GRID2: variants seen among roughly 807,000 people sequenced by gnomAD.
GRID2 encodes the protein glutamate receptor ionotropic, delta-2.
A neutral mutation model predicts 114.8 loss-of-function variants in GRID2; 33 were observed. That is an observed-to-expected ratio of 0.29 (90% confidence interval 0.22 to 0.38). The LOEUF (loss-of-function observed/expected upper bound fraction) is 0.38. GRID2 is among the 10% of genes least tolerant of loss of function. The pLI is 1.00. For missense variants in GRID2, 1,184 were observed against 1,257.7 expected (o/e 0.94, Z 0.89); for synonymous variants, 505 against 449.9 (o/e 1.12, Z -1.55).
At chr4:92,580,343 A>C (rs544069537) in intron 1 of GRID2, among the ~76,000 whole-genome samples, 205 of 151,528 alleles carry the variant, frequency 1.4e-3, no homozygotes, top group African/African-American at 3.8e-3. Flanking sequence ...AAGAAGAAAA[A>C]AATTACAAAT....
At chr4:92,908,404 G>A (rs1748116146) in intron 2 of GRID2, among the ~76,000 whole-genome samples, 1 of 151,892 alleles carries the variant, frequency 6.6e-6, no homozygotes, top group Admixed American at 6.6e-5. Context: ...TTTTGTAGTA[G>A]CACAAAGACA....
At chr4:93,661,011 C>T (rs949115401) in intron 14 of GRID2, among the ~76,000 whole-genome samples, 1 of 152,190 alleles carries the variant, frequency 6.6e-6, no homozygotes, top group Non-Finnish European at 1.5e-5. Flanking sequence ...AAAGGTACTA[C>T]TATCTCCCAA....
At chr4:92,997,212 G>C (rs999470018) in intron 2 of GRID2, among the ~76,000 whole-genome samples, 3 of 152,154 alleles carry the variant, frequency 2.0e-5, no homozygotes, top group African/African-American at 7.2e-5. Context: ...ATGTGTCAAG[G>C]CTGTGAAAGA....
chr4:92,515,381 A>C (rs1451690169), intron 1 of GRID2, among the ~76,000 whole-genome samples: 33 of 151,942 alleles, frequency 2.2e-4, no homozygotes, highest in Admixed American at 6.6e-5. Context: ...ACAACATAAA[A>C]GACAATAAAT....
intron 1 of GRID2, among the ~76,000 whole-genome samples, chr4:92,427,962 A>G (rs1732240787): frequency 6.6e-6 from 1 of 152,092 alleles, no homozygotes; most frequent in South Asian, 2.1e-4. Context: ...GATTAATGCT[A>G]ATAAAAATAA....
intron 8 of GRID2, among the ~76,000 whole-genome samples, chr4:93,352,217 A>G (rs1479529446): frequency 1.3e-5 from 2 of 152,046 alleles, no homozygotes; most frequent in Non-Finnish European, 2.9e-5. Context: ...ATCATAATCA[A>G]GGTTCATTGT....
At chr4:93,301,981 G>T (rs1754921070) in intron 8 of GRID2, among the ~76,000 whole-genome samples, 1 of 152,050 alleles carries the variant, frequency 6.6e-6, no homozygotes, top group Non-Finnish European at 1.5e-5. Flanking sequence ...ATGTCGCTAA[G>T]TAACCTGTAA....
intron 2 of GRID2, among the ~76,000 whole-genome samples, chr4:92,981,404 AAAAGT>A: frequency 6.6e-6 from 1 of 152,196 alleles, no homozygotes; most frequent in South Asian, 2.1e-4. Flanking sequence ...TTGTAACAGT[AAAAGT>A]AATTGTACAC....
rs1553916864 is a variant in GRID2 at position 92,688,037 on chromosome 4, C to CCTTTTTTTTTTTT, written c.244+97751_244+97752insCTTTTTTTTTTTT. ...GCCACATTGGTTGACCCTTCTTCTTCTTTTTTTTTTTTTTTTTTTTTTTTT... is the reference window on the plus strand; with the variant it reads ...GCCACATTGGTTGACCCTTCTTCTTCCTTTTTTTTTTTTTTTTTTTTTTTTTTTTTTTTTTTTT... On this transcript the variant is annotated intron_variant, in intron 2 of 15. Transcript: ENST00000282020. Among the ~76,000 whole-genome samples the CCTTTTTTTTTTTT allele has an allele frequency of 3.6e-3, 159 of 44,658 alleles. 15 individuals carry two copies. Among genetic ancestry groups the CCTTTTTTTTTTTT allele is most frequent in the South Asian group, 0.016 (20 of 1,268 alleles). 29.3% of individuals were successfully genotyped at this position (44,658 alleles called of 152,430 possible). A position where few individuals can be genotyped will look rare whatever the true frequency, so the allele number is the denominator to read the frequency against.
intron 10 of GRID2, among the ~76,000 whole-genome samples, chr4:93,434,921 T>C (rs1157765688): frequency 6.6e-6 from 1 of 152,134 alleles, no homozygotes; most frequent in Non-Finnish European, 1.5e-5. Flanking sequence ...TCAATTTCTG[T>C]CTCTCCTATC....
intron 2 of GRID2, among the ~76,000 whole-genome samples, chr4:92,876,283 TTTTA>T (rs34453618): frequency 0.058 from 8,571 of 148,528 alleles, 427 homozygotes; most frequent in East Asian, 0.17. Context: ...TTTTTTATTA[TTTTA>T]TTTATTTATT....
chr4:92,991,525 A>T (rs1754905575), intron 2 of GRID2, among the ~76,000 whole-genome samples: 1 of 152,232 alleles, frequency 6.6e-6, no homozygotes. Flanking sequence ...CAAAGGGTAA[A>T]TAGAATGTGA....
intron 13 of GRID2, among the ~76,000 whole-genome samples, chr4:93,602,267 C>A (rs1272336657): frequency 6.6e-6 from 1 of 152,016 alleles, no homozygotes; most frequent in Non-Finnish European, 1.5e-5. Context: ...TTGCTCTTGC[C>A]CAAGGCAATC....
chr4:93,162,441 A>C (rs1430924811), intron 4 of GRID2, among the ~76,000 whole-genome samples: 1 of 151,904 alleles, frequency 6.6e-6, no homozygotes, highest in Non-Finnish European at 1.5e-5. Flanking sequence ...TTAAATAAGG[A>C]TAGGCCTGTG....
intron 4 of GRID2, among the ~76,000 whole-genome samples, chr4:93,186,850 A>G (rs952868844): frequency 1.3e-5 from 2 of 152,144 alleles, no homozygotes; most frequent in African/African-American, 4.8e-5. Flanking sequence ...TTGGGTTGCT[A>G]TAATAAAAAT....
chr4:92,682,422 T>C (rs915555726), intron 2 of GRID2, among the ~76,000 whole-genome samples: 25 of 152,172 alleles, frequency 1.6e-4, no homozygotes, highest in Non-Finnish European at 3.7e-4. Flanking sequence ...CAGAGATCTG[T>C]GTTTTTAAAA....
chr4:92,453,585 A>G (rs1275884940), intron 1 of GRID2, among the ~76,000 whole-genome samples: 1 of 152,224 alleles, frequency 6.6e-6, no homozygotes, highest in Non-Finnish European at 1.5e-5. Context: ...AGTTATTTGT[A>G]AAGACATGGA....
At chr4:93,536,450 G>A (rs1187488956) in intron 13 of GRID2, among the ~76,000 whole-genome samples, 1 of 151,804 alleles carries the variant, frequency 6.6e-6, no homozygotes. Flanking sequence ...AATACACAAT[G>A]GAGAAGGGAA....
intron 7 of GRID2, among the ~76,000 whole-genome samples, chr4:93,230,064 A>C (rs948403557): frequency 2.0e-5 from 3 of 152,052 alleles, no homozygotes; most frequent in Non-Finnish European, 4.4e-5. Flanking sequence ...AGCTTTTTGT[A>C]ATCCTGATTA....
Sources: allele counts gnomAD v4.1 joint callset (sites outside exome capture counted in the v4.1 genomes callset), GRCh38; gene constraint gnomAD v4.1.1; transcripts MANE v1.5; gene names NCBI Gene and HGNC (gene_info 2026-07-23, HGNC 2026-07-21).